The following XKR6 variants were observed in gnomAD, a reference collection of about 807,000 sequenced individuals.
The protein encoded by XKR6 is XK related 6.
A neutral mutation model predicts 56.7 loss-of-function variants in XKR6; 22 were observed. The ratio of observed to expected loss-of-function variants is 0.39; its 90% CI spans 0.28 to 0.55. The LOEUF is 0.55. Ranked by LOEUF, XKR6 falls within the 20% of genes least tolerant of loss-of-function variation. XKR6 has a pLI of 0.66. For synonymous variants in XKR6, 524 were observed against 387.8 expected (o/e 1.35, Z -4.13); for missense variants, 852 against 889.0 (o/e 0.96, Z 0.53).
chr8:11,045,440 A>G (rs537049584), intron 1 of XKR6, among the ~76,000 whole-genome samples: 61 of 152,260 alleles, frequency 4.0e-4, no homozygotes, highest in African/African-American at 1.4e-3. Flanking sequence ...GATTGTCCCA[A>G]TAATGCCAGA....
rs140272951 is a variant in XKR6 at position 11,196,878 on chromosome 8, T to A, written c.764+3698A>T. Among the ~76,000 whole-genome samples, 11 of 152,156 alleles carry A rather than the reference T, an allele frequency of 7.2e-5. No homozygotes were observed. In the East Asian group the frequency reaches 2.1e-3, roughly 29 times the overall value. ...ACATGAACAAAGACCCATAATAAAC[T>A]AAGTATCCCTACATAGAGGAGCAGA... On this transcript the variant is annotated intron_variant, in intron 1 of 2. Transcript: ENST00000416569.
At chr8:11,056,218 T>C (rs1007679692) in intron 1 of XKR6, among the ~76,000 whole-genome samples, 7 of 152,182 alleles carry the variant, frequency 4.6e-5, no homozygotes, top group African/African-American at 1.7e-4. Context: ...AGAAGCAAAA[T>C]GAGCCTGATT....
chr8:11,047,377 T>G (rs1013353508), intron 1 of XKR6, among the ~76,000 whole-genome samples: 1 of 152,252 alleles, frequency 6.6e-6, no homozygotes, highest in African/African-American at 2.4e-5. Context: ...TTTCAATTTT[T>G]CATCAGGGAT....
intron 1 of XKR6, among the ~76,000 whole-genome samples, chr8:11,031,114 T>C (rs544864127): frequency 3.3e-5 from 5 of 152,198 alleles, no homozygotes; most frequent in Non-Finnish European, 7.3e-5. Context: ...GATGACCCTG[T>C]TCACTGGCTG....
chr8:10,965,883 G>C (rs917703851), intron 1 of XKR6, among the ~76,000 whole-genome samples: 15 of 152,184 alleles, frequency 9.9e-5, no homozygotes, highest in African/African-American at 3.6e-4. Flanking sequence ...ACACCCAGCA[G>C]GTGTGGGCCA....
intron 1 of XKR6, among the ~76,000 whole-genome samples, chr8:11,063,959 G>C (rs1563112916): frequency 6.6e-6 from 1 of 152,054 alleles, no homozygotes; most frequent in Non-Finnish European, 1.5e-5. Context: ...CTTGCCATCG[G>C]GTCTGACAAA....
intron 1 of XKR6, among the ~76,000 whole-genome samples, chr8:11,074,147 G>A (rs755304054): frequency 5.0e-4 from 76 of 152,356 alleles, no homozygotes; most frequent in Non-Finnish European, 9.8e-4. Context: ...AGAGCAACAG[G>A]GAATCTGAGT....
chr8:11,133,729 CAAT>C (rs1800235060), intron 1 of XKR6, among the ~76,000 whole-genome samples: 1 of 152,066 alleles, frequency 6.6e-6, no homozygotes, highest in African/African-American at 2.4e-5. Context: ...TCCATGTCCT[CAAT>C]AGCCTGATTC....
chr8:11,184,219 T>A (rs1418128261), intron 1 of XKR6, among the ~76,000 whole-genome samples: 2 of 152,296 alleles, frequency 1.3e-5, no homozygotes, highest in East Asian at 3.9e-4. Flanking sequence ...AAGATAATAA[T>A]TACTTATTAG....
At chr8:11,182,873 T>C (rs904720495) in intron 1 of XKR6, among the ~76,000 whole-genome samples, 3 of 152,212 alleles carry the variant, frequency 2.0e-5, no homozygotes, top group African/African-American at 7.2e-5. Flanking sequence ...TAACTCCACG[T>C]ATCCCCTCGC....
chr8:11,111,943 T>C (rs1798916930), intron 1 of XKR6: 1 of 152,224 alleles, frequency 6.6e-6, no homozygotes, highest in Admixed American at 6.5e-5. Context: ...AAAGACTTTC[T>C]TAGAAATGGT....
intron 1 of XKR6, among the ~76,000 whole-genome samples, chr8:11,080,669 A>C (rs1797686232): frequency 6.6e-6 from 1 of 152,228 alleles, no homozygotes; most frequent in South Asian, 2.1e-4. Context: ...TCTGTTGAGC[A>C]CTGGCTTACG....
Position 11,200,913 on chromosome 8 carries a change from C to G in XKR6, c.427G>C (p.Val143Leu). The change falls in exon 1 of 3, where the codon GTG becomes CTG. Residue 143 changes from valine to leucine, a missense_variant. Transcript: ENST00000416569. The surrounding 1 kb of genome is among the most constrained non-coding windows in gnomAD (Gnocchi z 6.4). ...VLALLVFFGD[V>L]GTDLWLALDY... is the part of the protein sequence containing the mutation. The stretch of plus-strand genomic sequence containing the variant: ...AGGGCCAGCCACAGGTCGGTGCCCA[C>G]GTCCCCGAAGAACACCAGCAGCGCC... 1 of 1,609,122 alleles carries G rather than the reference C, an allele frequency of 6.2e-7. No homozygotes were observed. The highest frequency in any genetic ancestry group is 1.1e-5 in the South Asian group (1 of 90,932).
chr8:11,057,669 G>A (rs530234841), intron 1 of XKR6, among the ~76,000 whole-genome samples: 57 of 152,298 alleles, frequency 3.7e-4, no homozygotes, highest in African/African-American at 1.2e-3. Flanking sequence ...CTCCATTGGC[G>A]ACTGTGTCCA....
At chr8:10,926,444 T>C (rs1355356940) in intron 1 of XKR6, among the ~76,000 whole-genome samples, 1 of 152,256 alleles carries the variant, frequency 6.6e-6, no homozygotes, top group East Asian at 1.9e-4. Flanking sequence ...GCCTGGATCC[T>C]GAAGGCACCC....
chr8:11,069,098 G>C lies in XKR6; in HGVS notation c.764+131478C>G, dbSNP rs535450186. ...TTGCCCCATCAGCAGAGCTGAGACC[G>C]ATACCACAATCACTGCCATCAAGTG... On this transcript the variant is annotated intron_variant, in intron 1 of 2. Transcript: ENST00000416569. 4.6e-5 allele frequency among the ~76,000 whole-genome samples: 7 copies of C among 152,138 alleles called. No homozygotes were observed. In the East Asian group the frequency reaches 5.8e-4, roughly 13 times the overall value.
At chr8:11,000,639 C>T (rs567664565) in intron 1 of XKR6, among the ~76,000 whole-genome samples, 29 of 152,122 alleles carry the variant, frequency 1.9e-4, no homozygotes, top group African/African-American at 4.1e-4. Context: ...GAGCCAAGAT[C>T]GCACCACTGC....
At position 10,959,719 on chromosome 8, in the gene XKR6, T is replaced by C. The variant is rs138642791; in HGVS notation, c.765-34889A>G. ...CCACTGTGGGTTACCCTTCAATATA[T>C]GAATTTCACAGGACACAAACATTCT... On this transcript the variant is annotated intron_variant, in intron 1 of 2. Coordinates refer to ENST00000416569, the MANE Select transcript of XKR6 (RefSeq NM_173683.4). Among the ~76,000 whole-genome samples the C allele has an allele frequency of 5.2e-3, 798 of 152,270 alleles. 8 individuals are homozygous for C. Among genetic ancestry groups the C allele is most frequent in the African/African-American group, 0.018 (734 of 41,534 alleles).
chr8:11,042,747 G>GC (rs2129156600), intron 1 of XKR6, among the ~76,000 whole-genome samples: 1 of 152,338 alleles, frequency 6.6e-6, no homozygotes, highest in South Asian at 2.1e-4. Context: ...AGATTTTGGA[G>GC]CATTTGGATT....
Sources: allele counts gnomAD v4.1 joint callset (sites outside exome capture counted in the v4.1 genomes callset), GRCh38; gene constraint gnomAD v4.1.1; non-coding constraint Gnocchi (gnomAD v3.1); transcripts MANE v1.5; gene names NCBI Gene and HGNC (gene_info 2026-07-23, HGNC 2026-07-21).